Variants in RBFOX1 observed in about 807,000 individuals in gnomAD.
The protein encoded by RBFOX1 is RNA binding protein fox-1 homolog 1.
In RBFOX1, 8 loss-of-function variants were observed where a neutral mutation model predicts 57.7. The observed-to-expected ratio is 0.14, with a 90% confidence interval of 0.08 to 0.25. RBFOX1 has a LOEUF of 0.25. Ranked by LOEUF, RBFOX1 falls within the 10% of genes least tolerant of loss-of-function variation. RBFOX1 has a pLI of 1.00. For synonymous variants in RBFOX1, 326 were observed against 222.4 expected (o/e 1.47, Z -4.15); for missense variants, 611 against 548.5 (o/e 1.11, Z -1.14).
Position 6,897,421 on chromosome 16 carries a change from A to G in RBFOX1, c.-15-154636A>G, listed in dbSNP as rs529338407. Among the ~76,000 whole-genome samples the G allele has an allele frequency of 2.8e-4, 43 of 152,026 alleles. 1 individual carries two copies. Among genetic ancestry groups the G allele is most frequent in the Middle Eastern group, 3.4e-3 (1 of 292 alleles). On this transcript the variant is annotated intron_variant, in intron 3 of 15. Coordinates refer to ENST00000550418, the MANE Select transcript of RBFOX1 (RefSeq NM_018723.4). ...CCGTCACACACACACAAAAGGAAAC[A>G]TTTGCATTGACTGGGGCATGTCCTG...
intron 1 of RBFOX1, among the ~76,000 whole-genome samples, chr16:6,209,006 C>G (rs939438696): frequency 1.3e-5 from 2 of 151,926 alleles, no homozygotes; most frequent in African/African-American, 2.4e-5. Flanking sequence ...TGCTTTTTGT[C>G]CTGTATCTTA....
intron 3 of RBFOX1, among the ~76,000 whole-genome samples, chr16:5,673,752 C>T (rs906328609): frequency 1.3e-5 from 2 of 152,214 alleles, no homozygotes; most frequent in African/African-American, 4.8e-5. Flanking sequence ...TTCTACCTTA[C>T]AAATACGTAT....
intron 3 of RBFOX1, among the ~76,000 whole-genome samples, chr16:6,806,838 T>TATATATATA (rs1567331467): frequency 2.1e-5 from 1 of 48,100 alleles, no homozygotes; most frequent in African/African-American, 8.1e-5. Context: ...ATATATATAT[T>TATATATATA]TTTTTTTTTT....
chr16:7,497,948 G>A (rs1204084892), intron 4 of RBFOX1, among the ~76,000 whole-genome samples: 1 of 152,194 alleles, frequency 6.6e-6, no homozygotes, highest in African/African-American at 2.4e-5. Flanking sequence ...ATATTAGTCA[G>A]TTGATTTCAC....
At chr16:7,247,551 A>G (rs369836122) in intron 4 of RBFOX1, among the ~76,000 whole-genome samples, 90 of 152,310 alleles carry the variant, frequency 5.9e-4, no homozygotes, top group African/African-American at 2.1e-3. Context: ...ATAATATGAA[A>G]GTAATGAATA....
intron 1 of RBFOX1, among the ~76,000 whole-genome samples, chr16:5,287,278 C>G (rs2063418797): frequency 6.6e-6 from 1 of 151,878 alleles, no homozygotes; most frequent in African/African-American, 2.4e-5. Context: ...GTACTCTACC[C>G]TAGGCAAAGA....
chr16:7,199,957 ACGTG>A (rs1228257910), intron 4 of RBFOX1, among the ~76,000 whole-genome samples: 1 of 152,170 alleles, frequency 6.6e-6, no homozygotes, highest in Non-Finnish European at 1.5e-5. Context: ...AGAACAAACA[ACGTG>A]TTGGGGAACA....
chr16:6,690,761 T>TC (rs201685234), intron 3 of RBFOX1, among the ~76,000 whole-genome samples: 11,561 of 150,012 alleles, frequency 0.077, 479 homozygotes, highest in African/African-American at 0.086. Context: ...TTTCTTTCTT[T>TC]TTTTTTTTTT....
chr16:7,671,246 T>C (rs2071335110), intron 13 of RBFOX1, among the ~76,000 whole-genome samples: 1 of 152,228 alleles, frequency 6.6e-6, no homozygotes, highest in Admixed American at 6.5e-5. Context: ...ATTTGGACTG[T>C]TGGAATATGC....
At chr16:5,352,935 C>T (rs1235828993) in intron 1 of RBFOX1, among the ~76,000 whole-genome samples, 1 of 152,048 alleles carries the variant, frequency 6.6e-6, no homozygotes, top group Non-Finnish European at 1.5e-5. Context: ...GGAATGAGAC[C>T]CTGTTTTAGA....
At chr16:5,930,115 G>C (rs575793232) in intron 4 of RBFOX1, among the ~76,000 whole-genome samples, 1 of 151,548 alleles carries the variant, frequency 6.6e-6, no homozygotes, top group African/African-American at 2.4e-5. Flanking sequence ...GGAAGGATGG[G>C]AGACAGGGTG....
chr16:6,838,840 C>T (rs1022582856), intron 3 of RBFOX1, among the ~76,000 whole-genome samples: 1 of 152,140 alleles, frequency 6.6e-6, no homozygotes, highest in East Asian at 1.9e-4. Flanking sequence ...GGTGCTTCCC[C>T]GTCATACTCT....
intron 4 of RBFOX1, among the ~76,000 whole-genome samples, chr16:7,208,168 C>G (rs988103131): frequency 1.3e-5 from 2 of 152,124 alleles, no homozygotes; most frequent in Admixed American, 1.3e-4. Flanking sequence ...AGGTATCTTA[C>G]TTGGGCTGAG....
chr16:6,226,353 A>T lies in RBFOX1; in HGVS notation c.-126-90642A>T, dbSNP rs374916660. On this transcript the variant is annotated intron_variant, in intron 1 of 15. Coordinates refer to ENST00000550418, the MANE Select transcript of RBFOX1 (RefSeq NM_018723.4). ...ATGCCATTGCACTCCAGCCTCGGCA[A>T]CAAGAGTGAAACTCTGTCTCCAAAA... Among the ~76,000 whole-genome samples the T allele has an allele frequency of 3.4e-5, 5 of 147,472 alleles. 1 individual carries two copies. Among genetic ancestry groups the T allele is most frequent in the African/African-American group, 1.3e-4 (5 of 39,958 alleles).
chr16:5,513,414 G>C (rs150848844), intron 2 of RBFOX1, among the ~76,000 whole-genome samples: 1 of 152,278 alleles, frequency 6.6e-6, no homozygotes, highest in East Asian at 1.9e-4. Context: ...GCCTATCGCT[G>C]TTAACCTTGG....
intron 3 of RBFOX1, among the ~76,000 whole-genome samples, chr16:5,714,275 C>A (rs1427946822): frequency 6.6e-6 from 1 of 152,208 alleles, no homozygotes; most frequent in East Asian, 1.9e-4. Flanking sequence ...TGGCTCAAGG[C>A]AGAAATGATA....
chr16:5,994,348 G>A (rs888305344), intron 4 of RBFOX1, among the ~76,000 whole-genome samples: 1 of 152,156 alleles, frequency 6.6e-6, no homozygotes, highest in Non-Finnish European at 1.5e-5. Context: ...TTTTAGTAGA[G>A]ACTGGGTTTC....
chr16:6,253,661 G>A (rs577204557), intron 1 of RBFOX1, among the ~76,000 whole-genome samples: 1 of 125,118 alleles, frequency 8.0e-6, no homozygotes, highest in South Asian at 3.2e-4. Flanking sequence ...AGAAATAGAT[G>A]TGTGTGTGTG....
intron 3 of RBFOX1, among the ~76,000 whole-genome samples, chr16:5,820,602 C>T (rs908292069): frequency 6.6e-6 from 1 of 152,154 alleles, no homozygotes; most frequent in African/African-American, 2.4e-5. Flanking sequence ...TGTCAGAGGG[C>T]ACCTGAAAAT....
Sources: gnomAD v4.1 joint callset for allele counts (sites outside exome capture counted in the v4.1 genomes callset) on GRCh38, gnomAD v4.1.1 for gene constraint, MANE v1.5 for transcripts, NCBI Gene and HGNC (gene_info 2026-07-23, HGNC 2026-07-21) for gene names.